Variants in SMARCA2 observed in about 807,000 individuals in gnomAD.
SMARCA2 encodes SWI/SNF related BAF chromatin remodeling complex subunit ATPase 2.
A neutral mutation model predicts 199.8 loss-of-function variants in SMARCA2; 61 were observed. That is an observed-to-expected ratio of 0.31 (90% CI 0.25 to 0.38). The LOEUF (loss-of-function observed/expected upper bound fraction) is 0.38, where lower values mean the gene tolerates loss of function less well. Among genes scored for constraint, SMARCA2 ranks in the 10% least tolerant of loss-of-function variants. The pLI is 1.00. For synonymous variants in SMARCA2, 935 were observed against 732.0 expected (o/e 1.28, Z -4.48); for missense variants, 1,344 against 2,012.2 (o/e 0.67, Z 6.35).
intron 31 of SMARCA2, among the ~76,000 whole-genome samples, chr9:2,185,249 A>G (rs1425740069): frequency 6.6e-6 from 1 of 152,182 alleles, no homozygotes. Context: ...CCCATTTTAG[A>G]TACTTCGTAT....
intron 3 of SMARCA2, among the ~76,000 whole-genome samples, chr9:2,034,419 C>G (rs921883173): frequency 6.6e-6 from 1 of 152,154 alleles, no homozygotes; most frequent in African/African-American, 2.4e-5. Flanking sequence ...TCTTTCTTTT[C>G]TTCACTGGTG....
intron 4 of SMARCA2, 142 bp from the exon 5 acceptor site, chr9:2,047,083 CTTTT>C: frequency 7.8e-6 from 3 of 384,076 alleles, no homozygotes; most frequent in African/African-American, 2.3e-5. Context: ...TCTTGCCCTC[CTTTT>C]TTTTTTTTTC....
At chr9:2,047,688 C>T (rs569915068) in intron 5 of SMARCA2, 8 of 402,986 alleles carry the variant, frequency 2.0e-5, no homozygotes, top group African/African-American at 1.5e-4. Context: ...ACGGGGACTT[C>T]CTGTGGACCC....
rs985019987 is a variant in SMARCA2 at position 2,123,841 on chromosome 9, C to T, written c.3885C>T (p.Thr1295=). 7 of 1,611,712 alleles carry T rather than the reference C, an allele frequency of 4.3e-6. No individual in the cohort carries two copies. In the African/African-American group the frequency reaches 6.7e-5, roughly 15 times the overall value. ...ATGACGCTGAAGTAGAAAGGCTCAC[C>T]TGTGAAGAAGAGGAGGAGAAAATAT... ...IKDDAEVERL[T]CEEEEEKIFG... Residue 1295 remains threonine, a synonymous_variant, in exon 27 of 34, where the codon ACC becomes ACT. Coordinates refer to ENST00000349721, the MANE Select transcript of SMARCA2 (RefSeq NM_003070.5). This position sits in a 1 kb window ranked among gnomAD's most constrained non-coding sequence, Gnocchi z 4.1.
At chr9:2,153,840 T>G (rs1477639890) in intron 27 of SMARCA2, among the ~76,000 whole-genome samples, 1 of 151,996 alleles carries the variant, frequency 6.6e-6, no homozygotes, top group Non-Finnish European at 1.5e-5. Flanking sequence ...GAGAGAGAGA[T>G]CTTTGCTGGA....
intron 26 of SMARCA2, among the ~76,000 whole-genome samples, chr9:2,120,594 A>G (rs1823415341): frequency 6.6e-6 from 1 of 152,234 alleles, no homozygotes; most frequent in South Asian, 2.1e-4. Context: ...TAGCCTAGAC[A>G]GAATGGAACT....
chr9:2,066,127 CAA>C (rs1273078928), intron 9 of SMARCA2, among the ~76,000 whole-genome samples: 2 of 152,060 alleles, frequency 1.3e-5, no homozygotes, highest in Admixed American at 1.3e-4. Flanking sequence ...AGGTTTCCAG[CAA>C]AACAGAATGG....
intron 24 of SMARCA2, among the ~76,000 whole-genome samples, chr9:2,114,136 AG>A (rs1291351337): frequency 6.6e-6 from 1 of 152,148 alleles, no homozygotes; most frequent in African/African-American, 2.4e-5. Context: ...ATATGTGGAG[AG>A]GGACGGTTGA....
rs1818370460 is a variant in SMARCA2 at position 2,016,753 on chromosome 9, G to A, written c.-37+1349G>A. 6.6e-6 allele frequency among the ~76,000 whole-genome samples: 1 copy of A among 152,162 alleles called. No homozygotes were observed. Among genetic ancestry groups the A allele is most frequent in the Non-Finnish European group, 1.5e-5 (1 of 68,016 alleles). The stretch of plus-strand genomic sequence containing the variant: ...CGATGACACGCACTCCTTCCTTCTC[G>A]CTCCCTGCTCAGGAGTTTGCTTTAT... On this transcript the variant is annotated intron_variant, in intron 1 of 33. Transcript: ENST00000349721. This position sits in a 1 kb window ranked among gnomAD's most constrained non-coding sequence, Gnocchi z 5.6.
At chr9:2,036,592 C>T (rs1177557935) in intron 3 of SMARCA2, among the ~76,000 whole-genome samples, 10 of 152,086 alleles carry the variant, frequency 6.6e-5, no homozygotes, top group African/African-American at 2.2e-4. Context: ...TAATACCATA[C>T]GGTGACAGAA....
intron 21 of SMARCA2, among the ~76,000 whole-genome samples, chr9:2,098,006 C>T (rs184502613): frequency 8.6e-4 from 131 of 152,158 alleles, no homozygotes; most frequent in Non-Finnish European, 1.6e-3. Context: ...TCCTGATGCT[C>T]AGGTCTCTAG....
In SMARCA2 at chr9:2,192,952, G is replaced by A. The variant is rs537230683; in HGVS notation, c.*213G>A. 44 of 503,392 alleles carry A rather than the reference G, an allele frequency of 8.7e-5. No homozygotes were observed. The highest frequency in any genetic ancestry group is 7.9e-4 in the African/African-American group (40 of 50,926). The allele number at this position is 503,392 out of a possible 1,614,324, so 31.2% of individuals were successfully genotyped here. ...ATTTGTAACATATTGTGACCAAATG[G>A]GCCTCAAAGATTCAGATTGAAACAA... On this transcript the variant is annotated 3_prime_UTR_variant, in exon 34 of 34. Coordinates refer to ENST00000349721, the MANE Select transcript of SMARCA2 (RefSeq NM_003070.5).
chr9:2,110,762 G>T lies in SMARCA2; in HGVS notation c.3456+345G>T, dbSNP rs1822957266. On this transcript the variant is annotated intron_variant, in intron 24 of 33. Transcript: ENST00000349721. The surrounding 1 kb of genome is among the most constrained non-coding windows in gnomAD (Gnocchi z 4.8). ...AGAACAATAGCAACCATCATTCATG[G>T]GACCCTTAATCTGTGTCAGCCTCTT... 6.6e-6 allele frequency among the ~76,000 whole-genome samples: 1 copy of T among 152,084 alleles called. No individual in the cohort carries two copies. Among genetic ancestry groups the T allele is most frequent in the African/African-American group, 2.4e-5 (1 of 41,418 alleles).
Position 2,016,851 on chromosome 9 carries a change from G to C in SMARCA2, c.-37+1447G>C, listed in dbSNP as rs937889727. Reference sequence around the variant, plus strand: ...CGGCCGTCTTCCCTTCCTCCCGTTTGCGTTGCAAAACACGGCCATGCCATC... The same window carrying C: ...CGGCCGTCTTCCCTTCCTCCCGTTTCCGTTGCAAAACACGGCCATGCCATC... On this transcript the variant is annotated intron_variant, in intron 1 of 33. Coordinates refer to ENST00000349721, the MANE Select transcript of SMARCA2 (RefSeq NM_003070.5). The surrounding 1 kb of genome is among the most constrained non-coding windows in gnomAD (Gnocchi z 5.6). 2.6e-5 allele frequency among the ~76,000 whole-genome samples: 4 copies of C among 152,174 alleles called. No homozygotes were observed. Among genetic ancestry groups the C allele is most frequent in the African/African-American group, 7.2e-5 (3 of 41,456 alleles).
intron 9 of SMARCA2, 73 bp downstream of exon 9, chr9:2,061,059 C>G (rs1453261471): frequency 7.4e-7 from 1 of 1,358,356 alleles, no homozygotes; most frequent in Non-Finnish European, 1.0e-6. Context: ...GAGTATTGCT[C>G]TTTAAGTACT....
intron 12 of SMARCA2, among the ~76,000 whole-genome samples, chr9:2,074,007 G>A (rs1208720317): frequency 6.6e-6 from 1 of 152,162 alleles, no homozygotes; most frequent in African/African-American, 2.4e-5. Flanking sequence ...AAGTTCTGAA[G>A]TCCTTCAGAC....
At chr9:2,183,525 A>G (rs1424587007) in intron 31 of SMARCA2, among the ~76,000 whole-genome samples, 1 of 152,246 alleles carries the variant, frequency 6.6e-6, no homozygotes, top group Non-Finnish European at 1.5e-5. Context: ...AAGAAAGAAA[A>G]AGACAAAGAT....
At chr9:2,157,045 C>T (rs960548754) in intron 27 of SMARCA2, among the ~76,000 whole-genome samples, 3 of 152,036 alleles carry the variant, frequency 2.0e-5, no homozygotes, top group Non-Finnish European at 4.4e-5. Context: ...TGTCCAAAGC[C>T]CTGAGTCTGA....
In SMARCA2 at chr9:2,017,025, G is replaced by A. The variant is rs1818381828; in HGVS notation, c.-37+1621G>A. 6.6e-6 allele frequency: 1 copy of A among 152,158 alleles called. No individual in the cohort carries two copies. Among genetic ancestry groups the A allele is most frequent in the Admixed American group, 6.5e-5 (1 of 15,274 alleles). The allele number at this position is 152,158 out of a possible 1,614,324, so 9.4% of individuals were successfully genotyped here. On this transcript the variant is annotated intron_variant, in intron 1 of 33. Transcript: ENST00000349721. This position sits in a 1 kb window ranked among gnomAD's most constrained non-coding sequence, Gnocchi z 8.8. ...CCTGGGTGCAGTTACACGGCGGAGG[G>A]CGGGGCGCGGCAGTGCGGGCTCCGG...
Sources: gnomAD v4.1 joint callset for allele counts (sites outside exome capture counted in the v4.1 genomes callset) on GRCh38, gnomAD v4.1.1 for gene constraint, Gnocchi (gnomAD v3.1) non-coding constraint, MANE v1.5 for transcripts, NCBI Gene and HGNC (gene_info 2026-07-23, HGNC 2026-07-21) for gene names.